Variants in GRIA1 observed in about 807,000 individuals in gnomAD.
The protein encoded by GRIA1 is glutamate ionotropic receptor AMPA type subunit 1, also known as glutamate receptor 1.
GRIA1 carries 31 observed loss-of-function variants against 99.2 expected under a neutral mutation model. That is an observed-to-expected ratio of 0.31 (90% CI 0.23 to 0.42). GRIA1 has a LOEUF of 0.42. Among genes scored for constraint, GRIA1 ranks in the 10% least tolerant of loss-of-function variants. The probability of loss-of-function intolerance (pLI) is 1.00; values close to 1 mark genes in which losing one functional copy is unlikely to be tolerated. For missense variants in GRIA1, 782 were observed against 1,157.5 expected, an observed-to-expected ratio of 0.68 and a Z score of 4.71; for synonymous variants, 438 against 432.4, an observed-to-expected ratio of 1.01 and a Z score of -0.16.
chr5:153,698,787 T>C (rs1758303658), intron 9 of GRIA1, 80 bp from the exon 10 acceptor site: 1 of 886,290 alleles, frequency 1.1e-6, no homozygotes, highest in Non-Finnish European at 1.9e-6. Flanking sequence ...CCAAACATGA[T>C]ATTATGCTAT....
intron 15 of GRIA1, among the ~76,000 whole-genome samples, chr5:153,808,316 T>G (rs1766576509): frequency 6.6e-6 from 1 of 151,510 alleles, no homozygotes; most frequent in Admixed American, 6.6e-5. Flanking sequence ...CAAGGAGGGA[T>G]AAGGGAAAGC....
chr5:153,548,255 A>G (rs1176934098), intron 2 of GRIA1, among the ~76,000 whole-genome samples: 1 of 152,214 alleles, frequency 6.6e-6, no homozygotes, highest in Non-Finnish European at 1.5e-5. Context: ...CTTGCCAACC[A>G]GTTCATAAAA....
At chr5:153,518,946 A>T (rs1032284527) in intron 2 of GRIA1, among the ~76,000 whole-genome samples, 7 of 152,194 alleles carry the variant, frequency 4.6e-5, no homozygotes, top group African/African-American at 1.7e-4. Context: ...TGGTAGAGTC[A>T]GCATCACATG....
intron 2 of GRIA1, among the ~76,000 whole-genome samples, chr5:153,606,832 C>A (rs1476202091): frequency 2.0e-5 from 3 of 151,228 alleles, no homozygotes; most frequent in African/African-American, 7.3e-5. Context: ...TTTTTCCTTG[C>A]CAACTTGACC....
At chr5:153,603,310 T>C (rs1765155928) in intron 2 of GRIA1, among the ~76,000 whole-genome samples, 1 of 152,240 alleles carries the variant, frequency 6.6e-6, no homozygotes, top group African/African-American at 2.4e-5. Context: ...ATTTTCTTAA[T>C]CCAGTCTATC....
intron 11 of GRIA1, among the ~76,000 whole-genome samples, chr5:153,760,598 A>G (rs1293468719): frequency 6.6e-6 from 1 of 152,082 alleles, no homozygotes; most frequent in African/African-American, 2.4e-5. Flanking sequence ...TATCCATATC[A>G]CCCAAAGCAA....
At chr5:153,732,186 T>C (rs966394011) in intron 11 of GRIA1, among the ~76,000 whole-genome samples, 4 of 152,182 alleles carry the variant, frequency 2.6e-5, no homozygotes, top group Admixed American at 1.3e-4. Flanking sequence ...ACAATGAACA[T>C]GACAGTGCAT....
At chr5:153,712,777 A>AT (rs1434847458) in intron 11 of GRIA1, among the ~76,000 whole-genome samples, 1 of 152,228 alleles carries the variant, frequency 6.6e-6, no homozygotes, top group Non-Finnish European at 1.5e-5. Flanking sequence ...GAAATGTGCG[A>AT]TAGCTAATCT....
At chr5:153,603,143 A>T (rs1174923798) in intron 2 of GRIA1, among the ~76,000 whole-genome samples, 1 of 151,908 alleles carries the variant, frequency 6.6e-6, no homozygotes, top group African/African-American at 2.4e-5. Flanking sequence ...TCATTGTTCA[A>T]TTCCCACCTA....
At position 153,726,237 on chromosome 5, in the gene GRIA1, A is replaced by C. The variant is rs538317272; in HGVS notation, c.1823+20170A>C. Among the ~76,000 whole-genome samples the C allele has an allele frequency of 5.3e-4, 80 of 150,066 alleles. No homozygotes were observed. In the East Asian group the frequency reaches 0.013, roughly 24 times the overall value. On this transcript the variant is annotated intron_variant, in intron 11 of 15. Transcript: ENST00000285900. ...ACCAGAATCTCTGGGACGCATTCAAAGCAGTGTGTAGAGGGAAATTTATAG... is the reference window on the plus strand; with the variant it reads ...ACCAGAATCTCTGGGACGCATTCAACGCAGTGTGTAGAGGGAAATTTATAG...
intron 5 of GRIA1, among the ~76,000 whole-genome samples, chr5:153,671,854 G>A (rs76689281): frequency 0.096 from 14,622 of 152,208 alleles, 939 homozygotes; most frequent in Non-Finnish European, 0.14. Context: ...TTCAATAGGA[G>A]GAAAGAGGCT....
intron 3 of GRIA1, among the ~76,000 whole-genome samples, chr5:153,649,562 A>G (rs941468535): frequency 6.6e-6 from 1 of 152,142 alleles, no homozygotes; most frequent in African/African-American, 2.4e-5. Flanking sequence ...GGTTCAAGCA[A>G]TTCTCCTGCC....
chr5:153,561,757 C>A (rs963407220), intron 2 of GRIA1, among the ~76,000 whole-genome samples: 1 of 152,152 alleles, frequency 6.6e-6, no homozygotes, highest in South Asian at 2.1e-4. Flanking sequence ...CCATCACCAC[C>A]ATTATTTGCC....
chr5:153,547,909 C>G (rs768901047), intron 2 of GRIA1, among the ~76,000 whole-genome samples: 6 of 152,118 alleles, frequency 3.9e-5, no homozygotes, highest in Non-Finnish European at 5.9e-5. Context: ...AGGGGCTATA[C>G]TAGGTATAGG....
At chr5:153,529,949 C>G (rs981849352) in intron 2 of GRIA1, among the ~76,000 whole-genome samples, 1 of 152,148 alleles carries the variant, frequency 6.6e-6, no homozygotes, top group African/African-American at 2.4e-5. Flanking sequence ...ATTTTCGAAG[C>G]AGATTCTAAC....
intron 13 of GRIA1, among the ~76,000 whole-genome samples, chr5:153,784,712 C>T (rs1764862544): frequency 6.6e-6 from 1 of 152,174 alleles, no homozygotes; most frequent in Non-Finnish European, 1.5e-5. Context: ...ATCACCCCAA[C>T]CTCCTGAGTC....
At chr5:153,588,100 C>G (rs1194729955) in intron 2 of GRIA1, among the ~76,000 whole-genome samples, 2 of 152,154 alleles carry the variant, frequency 1.3e-5, no homozygotes, top group Non-Finnish European at 2.9e-5. Flanking sequence ...GACCTTAGCT[C>G]CTGCCAGGAT....
intron 8 of GRIA1, among the ~76,000 whole-genome samples, chr5:153,687,230 A>G (rs1757404828): frequency 6.6e-6 from 1 of 152,224 alleles, no homozygotes; most frequent in Non-Finnish European, 1.5e-5. Context: ...GGCATTGTAC[A>G]GCATGGCGTA....
chr5:153,519,769 T>C (rs1051665500), intron 2 of GRIA1, among the ~76,000 whole-genome samples: 5 of 152,204 alleles, frequency 3.3e-5, no homozygotes, highest in African/African-American at 1.2e-4. Flanking sequence ...TCAGACCATA[T>C]TGCCATGTGT....
Sources: gnomAD v4.1 joint callset for allele counts (sites outside exome capture counted in the v4.1 genomes callset) on GRCh38, gnomAD v4.1.1 for gene constraint, MANE v1.5 for transcripts, NCBI Gene and HGNC (gene_info 2026-07-23, HGNC 2026-07-21) for gene names.